Variants in SYNE1 observed in about 807,000 individuals in gnomAD.
SYNE1 encodes nesprin-1.
In SYNE1, 616 loss-of-function variants were observed where a neutral mutation model predicts 1,111.0. That is an observed-to-expected ratio of 0.55 (90% confidence interval 0.52 to 0.59). The LOEUF is 0.59. Among genes scored for constraint, SYNE1 ranks in the 20% least tolerant of loss-of-function variants. SYNE1 has a pLI of 0.00. For missense variants in SYNE1, 10,006 were observed against 10,417.0 expected, an observed-to-expected ratio of 0.96 and a Z score of 1.72; for synonymous variants, 3,855 against 3,825.8, an observed-to-expected ratio of 1.01 and a Z score of -0.28.
At chr6:152,466,682 C>G (rs1412481425) in intron 16 of SYNE1, among the ~76,000 whole-genome samples, 1 of 151,912 alleles carries the variant, frequency 6.6e-6, no homozygotes, top group African/African-American at 2.4e-5. Context: ...AGAATCACTA[C>G]TGGAAAGTGA....
intron 141 of SYNE1, 80 bp downstream of exon 141, chr6:152,136,538 C>T: frequency 1.3e-6 from 2 of 1,565,948 alleles, no homozygotes; most frequent in Non-Finnish European, 1.7e-6. Context: ...CCTCTAGAAA[C>T]CATGATACAT....
intron 4 of SYNE1, among the ~76,000 whole-genome samples, chr6:152,535,343 T>C (rs1304471406): frequency 1.3e-5 from 2 of 152,204 alleles, no homozygotes; most frequent in African/African-American, 4.8e-5. Context: ...TAAATTTTTT[T>C]TCTGCAGTTT....
At chr6:152,599,149 T>C (rs1426019126) in intron 3 of SYNE1, among the ~76,000 whole-genome samples, 4 of 152,212 alleles carry the variant, frequency 2.6e-5, no homozygotes, top group Non-Finnish European at 5.9e-5. Context: ...TCTGAATGTA[T>C]TAAAAACACT....
intron 84 of SYNE1, among the ~76,000 whole-genome samples, chr6:152,320,463 A>G (rs1477207396): frequency 6.6e-6 from 1 of 152,128 alleles, no homozygotes; most frequent in Non-Finnish European, 1.5e-5. Context: ...TCTTTGTCTC[A>G]TATAGAAGGG....
chr6:152,299,969 T>A (rs189616807), intron 93 of SYNE1, among the ~76,000 whole-genome samples: 1 of 152,360 alleles, frequency 6.6e-6, no homozygotes, highest in Non-Finnish European at 1.5e-5. Flanking sequence ...TTTTGATTTC[T>A]ATCTAACATT....
At chr6:152,239,404 T>C (rs2085008518) in intron 108 of SYNE1, 129 bp downstream of exon 108, 6 of 1,102,694 alleles carry the variant, frequency 5.4e-6, no homozygotes, top group Non-Finnish European at 1.4e-6. Flanking sequence ...AGTGCAGTCC[T>C]GAGCCCGAGA....
At position 152,413,334 on chromosome 6, in the gene SYNE1, G is replaced by C; in HGVS notation, c.6230+18C>G. On this transcript the variant is annotated intron_variant, in intron 42 of 145. Transcript: ENST00000367255. ...AAGTGGGAAGCTAAAAACAAGAACT[G>C]GGTGGGTTTTGACTTACTTTTCATG... The C allele has an allele frequency of 6.2e-7, 1 of 1,613,962 alleles. No homozygotes were observed. Among genetic ancestry groups the C allele is most frequent in the South Asian group, 1.1e-5 (1 of 91,060 alleles).
intron 101 of SYNE1, 72 bp downstream of exon 101, chr6:152,261,958 GCA>G: frequency 8.0e-7 from 1 of 1,245,414 alleles, no homozygotes; most frequent in Non-Finnish European, 1.1e-6. Context: ...TAAGTTGATT[GCA>G]CAGTTATAAT....
intron 100 of SYNE1, among the ~76,000 whole-genome samples, chr6:152,264,598 C>T (rs1292159567): frequency 6.6e-6 from 1 of 151,748 alleles, no homozygotes; most frequent in East Asian, 1.9e-4. Flanking sequence ...GGAGTTTGAG[C>T]CCAGCCTGGA....
At chr6:152,551,804 G>A (rs950988550) in intron 3 of SYNE1, among the ~76,000 whole-genome samples, 1 of 152,148 alleles carries the variant, frequency 6.6e-6, no homozygotes, top group Non-Finnish European at 1.5e-5. Context: ...GAAGACAACT[G>A]ATCTCTTGGA....
At chr6:152,253,853 T>G (rs1377121483) in intron 104 of SYNE1, among the ~76,000 whole-genome samples, 5 of 118,844 alleles carry the variant, frequency 4.2e-5, no homozygotes, top group Admixed American at 8.5e-5. Flanking sequence ...TTTTTTTTTT[T>G]TTTTTTTGCA....
At chr6:152,512,124 TCA>T (rs2099088142) in intron 6 of SYNE1, among the ~76,000 whole-genome samples, 2 of 152,216 alleles carry the variant, frequency 1.3e-5, no homozygotes, top group Non-Finnish European at 2.9e-5. Flanking sequence ...CAAAATCATT[TCA>T]CAAATACTTT....
Position 152,130,704 on chromosome 6 carries a change from C to G in SYNE1, c.26153+16G>C, listed in dbSNP as rs2055322464. The G allele has an allele frequency of 6.2e-7, 1 of 1,613,812 alleles. No individual in the cohort carries two copies. Among genetic ancestry groups the G allele is most frequent in the African/African-American group, 1.3e-5 (1 of 74,878 alleles). ...TGGGGTTCTAGAACAGTGTGGAAAC[C>G]AGGAGAAGGAGGTACCTGCTATGTG... On this transcript the variant is annotated intron_variant, in intron 145 of 145. Coordinates refer to ENST00000367255, the MANE Select transcript of SYNE1 (RefSeq NM_182961.4).
intron 14 of SYNE1, among the ~76,000 whole-genome samples, chr6:152,477,268 AGAT>A (rs1226989279): frequency 6.6e-6 from 1 of 152,164 alleles, no homozygotes; most frequent in Non-Finnish European, 1.5e-5. Flanking sequence ...GTAACAGTTG[AGAT>A]GATGATAAAT....
In SYNE1 at chr6:152,155,044, T is replaced by C. The variant is rs1362058277; in HGVS notation, c.23979-2A>G. On this transcript the variant is annotated splice_acceptor_variant, in intron 132 of 145. Coordinates refer to ENST00000367255, the MANE Select transcript of SYNE1 (RefSeq NM_182961.4). LOFTEE classifies it high-confidence loss of function. ...CACAATCGCCACGTCTCTTCGATTC[T>C]GGGGCGGAAAATGAAAGAACAGATT... is the stretch of plus-strand genomic sequence containing the variant. 6.2e-7 allele frequency: 1 copy of C among 1,613,998 alleles called. No homozygotes were observed. Among genetic ancestry groups the C allele is most frequent in the Non-Finnish European group, 8.5e-7 (1 of 1,179,992 alleles).
chr6:152,612,535 C>G (rs2099634346), intron 3 of SYNE1, among the ~76,000 whole-genome samples: 1 of 152,058 alleles, frequency 6.6e-6, no homozygotes, highest in South Asian at 2.1e-4. Flanking sequence ...AGTCCAGGAC[C>G]AGAAATGGAT....
intron 137 of SYNE1, chr6:152,146,598 G>A (rs566689740): frequency 6.6e-6 from 1 of 152,296 alleles, no homozygotes; most frequent in East Asian, 1.9e-4. Flanking sequence ...ATAGAAATGA[G>A]AGAAATCATT....
chr6:152,388,685 T>C (rs1208020346), intron 53 of SYNE1, among the ~76,000 whole-genome samples: 1 of 152,238 alleles, frequency 6.6e-6, no homozygotes, highest in Non-Finnish European at 1.5e-5. Context: ...TGCTGGTGTC[T>C]GAGCTTTTAG....
chr6:152,415,285 G>T (rs1286050375), intron 41 of SYNE1, among the ~76,000 whole-genome samples: 6 of 152,184 alleles, frequency 3.9e-5, no homozygotes, highest in African/African-American at 1.2e-4. Flanking sequence ...GAACTCACCT[G>T]ACAAAAGCTC....
Sources: gnomAD v4.1 joint callset for allele counts (sites outside exome capture counted in the v4.1 genomes callset) on GRCh38, gnomAD v4.1.1 for gene constraint, MANE v1.5 for transcripts, NCBI Gene and HGNC (gene_info 2026-07-23, HGNC 2026-07-21) for gene names.